Variants in BAZ1B observed in about 807,000 individuals in gnomAD.
BAZ1B encodes bromodomain adjacent to zinc finger domain 1B, also known as tyrosine-protein kinase BAZ1B.
In BAZ1B, 22 loss-of-function variants were observed where a neutral mutation model predicts 153.8. That is an observed-to-expected ratio of 0.14 (90% CI 0.10 to 0.20). BAZ1B has a LOEUF of 0.20. BAZ1B is among the 10% of genes least tolerant of loss of function. BAZ1B has a pLI of 1.00. For missense variants in BAZ1B, 1,325 were observed against 1,799.3 expected (o/e 0.74, Z 4.77); for synonymous variants, 676 against 633.4 (o/e 1.07, Z -1.01).
chr7:73,471,827 TTTG>T (rs1260145421), intron 7 of BAZ1B, among the ~76,000 whole-genome samples: 1 of 152,022 alleles, frequency 6.6e-6, no homozygotes, highest in Non-Finnish European at 1.5e-5. Context: ...AAACTGTGTA[TTTG>T]TAACAATGGT....
chr7:73,515,418 C>T (rs914897148), intron 1 of BAZ1B, among the ~76,000 whole-genome samples: 1 of 151,980 alleles, frequency 6.6e-6, no homozygotes, highest in Admixed American at 6.6e-5. Flanking sequence ...TAATATATGT[C>T]ACTTCCCGGA....
At chr7:73,473,778 A>AG (rs1183202840) in intron 7 of BAZ1B, among the ~76,000 whole-genome samples, 1 of 152,124 alleles carries the variant, frequency 6.6e-6, no homozygotes, top group African/African-American at 2.4e-5. Flanking sequence ...GCTTGAGTTT[A>AG]GGGGTTCAAT....
rs1376200529 is a variant in BAZ1B, at chr7:73,450,655, A to T, written c.3580+192T>A. Among the ~76,000 whole-genome samples, 1 of 152,170 alleles carries T rather than the reference A, an allele frequency of 6.6e-6. No individual in the cohort carries two copies. The highest frequency in any genetic ancestry group is 1.5e-5 in the Non-Finnish European group (1 of 68,038). The stretch of plus-strand genomic sequence containing the variant: ...TTTTATGTTATGCTCTAAACCGAGG[A>T]ACAAAGGGCCTGCTCTGATTCCCTG... On this transcript the variant is annotated intron_variant, in intron 14 of 19. Transcript: ENST00000339594. This position sits in a 1 kb window ranked among gnomAD's most constrained non-coding sequence, Gnocchi z 4.1.
chr7:73,468,871 G>C (rs1223812410), intron 9 of BAZ1B, among the ~76,000 whole-genome samples: 1 of 152,074 alleles, frequency 6.6e-6, no homozygotes, highest in Non-Finnish European at 1.5e-5. Context: ...GCTCACACTT[G>C]TAATCCCCAG....
chr7:73,489,560 A>G (rs148258088), intron 5 of BAZ1B, among the ~76,000 whole-genome samples, 169 bp from the exon 6 acceptor site: 2 of 152,312 alleles, frequency 1.3e-5, no homozygotes, highest in Non-Finnish European at 2.9e-5. Flanking sequence ...TACACTTGTA[A>G]TCTCATCAAC....
chr7:73,518,282 G>A (rs1420925498), intron 1 of BAZ1B, among the ~76,000 whole-genome samples: 7 of 151,414 alleles, frequency 4.6e-5, no homozygotes, highest in African/African-American at 9.7e-5. Context: ...GCGTGGTGGC[G>A]GGCGCCTGTA....
intron 16 of BAZ1B, among the ~76,000 whole-genome samples, chr7:73,444,459 G>A (rs1387184353): frequency 1.3e-5 from 2 of 152,224 alleles, no homozygotes; most frequent in African/African-American, 4.8e-5. Context: ...TCTCACTCAT[G>A]AGAAGCCATT....
chr7:73,466,183 C>T (rs923843024), intron 10 of BAZ1B, 113 bp downstream of exon 10: 1 of 741,584 alleles, frequency 1.3e-6, no homozygotes, highest in Non-Finnish European at 2.2e-6. Context: ...ATCAGTCACA[C>T]AAAGTATCCT....
intron 12 of BAZ1B, among the ~76,000 whole-genome samples, chr7:73,461,401 G>A (rs1788392077): frequency 6.6e-6 from 1 of 152,146 alleles, no homozygotes. Flanking sequence ...CGTTTTAATA[G>A]TCACAAAGAA....
intron 11 of BAZ1B, among the ~76,000 whole-genome samples, chr7:73,463,598 G>A (rs1177114332): frequency 6.6e-6 from 1 of 152,036 alleles, no homozygotes; most frequent in Non-Finnish European, 1.5e-5. Flanking sequence ...GAACAAAACA[G>A]GTCTTTTCAA....
chr7:73,451,086 A>C (rs573659746), intron 13 of BAZ1B, 92 bp from the exon 14 acceptor site: 2 of 1,456,974 alleles, frequency 1.4e-6, no homozygotes, highest in South Asian at 2.7e-5. Context: ...GAGAATTCTG[A>C]GGACACTTGC....
intron 8 of BAZ1B, 97 bp from the exon 9 acceptor site, chr7:73,469,747 T>C: frequency 7.1e-7 from 1 of 1,399,026 alleles, no homozygotes; most frequent in Non-Finnish European, 9.9e-7. Flanking sequence ...TCACTGAGCA[T>C]TCAAAACCAC....
At chr7:73,518,748 T>G (rs782038517) in intron 1 of BAZ1B, among the ~76,000 whole-genome samples, 7 of 152,222 alleles carry the variant, frequency 4.6e-5, no homozygotes, top group Non-Finnish European at 1.0e-4. Context: ...TAGTCACACT[T>G]GTGTAGAGCC....
chr7:73,465,325 C>A, intron 11 of BAZ1B, 114 bp downstream of exon 11: 1 of 657,798 alleles, frequency 1.5e-6, no homozygotes, highest in Non-Finnish European at 2.4e-6. Flanking sequence ...AACGGTTACA[C>A]ATTTAAAATA....
chr7:73,440,742 G>A lies in BAZ1B; in HGVS notation c.*967C>T, dbSNP rs1583877373. The A allele has an allele frequency of 1.3e-5, 2 of 152,668 alleles. No homozygotes were observed. The highest frequency in any genetic ancestry group is 1.9e-4 in the East Asian group (1 of 5,182). The allele number at this position is 152,668 out of a possible 1,614,324, so 9.5% of individuals were successfully genotyped here. On this transcript the variant is annotated 3_prime_UTR_variant, in exon 20 of 20. Coordinates refer to ENST00000339594, the MANE Select transcript of BAZ1B (RefSeq NM_032408.4). ...ACGGAGGAAGCAGAGGCCACATTCCGCAGTTTAAAATTAAGAGGCTTGATT... is the reference window on the plus strand; with the variant it reads ...ACGGAGGAAGCAGAGGCCACATTCCACAGTTTAAAATTAAGAGGCTTGATT...
intron 3 of BAZ1B, among the ~76,000 whole-genome samples, chr7:73,503,729 C>T (rs989613777): frequency 6.6e-6 from 1 of 152,048 alleles, no homozygotes; most frequent in African/African-American, 2.4e-5. Flanking sequence ...AAAATATTTT[C>T]GTTTTGCCAT....
At position 73,498,486 on chromosome 7, in the gene BAZ1B, A is replaced by G. The variant is rs1554576652; in HGVS notation, c.571+11T>C. 1 of 1,609,810 alleles carries G rather than the reference A, an allele frequency of 6.2e-7. No individual in the cohort carries two copies. The highest frequency in any genetic ancestry group is 1.7e-5 in the Admixed American group (1 of 60,000). On this transcript the variant is annotated intron_variant, in intron 4 of 19. Transcript: ENST00000339594. ...TCATAAAACACTAAGGAAAGCTAAT[A>G]TCAAACATACTAATACTCTCTCTCC...
At chr7:73,473,398 C>G (rs901694767) in intron 7 of BAZ1B, among the ~76,000 whole-genome samples, 1 of 151,822 alleles carries the variant, frequency 6.6e-6, no homozygotes, top group Non-Finnish European at 1.5e-5. Flanking sequence ...ACTAAAAATA[C>G]AAAAATTAGC....
At chr7:73,509,734 A>G (rs113296769) in intron 2 of BAZ1B, among the ~76,000 whole-genome samples, 1,698 of 152,078 alleles carry the variant, frequency 0.011, 18 homozygotes, top group South Asian at 0.022. Context: ...AAGCGTTAAC[A>G]TGTTGGAAAC....
Sources: gnomAD v4.1 joint callset for allele counts (sites outside exome capture counted in the v4.1 genomes callset) on GRCh38, gnomAD v4.1.1 for gene constraint, Gnocchi (gnomAD v3.1) non-coding constraint, MANE v1.5 for transcripts, NCBI Gene and HGNC (gene_info 2026-07-23, HGNC 2026-07-21) for gene names.